Variants in FGFR1OP2 observed in about 807,000 individuals in gnomAD.
The protein encoded by FGFR1OP2 is fibroblast growth factor receptor 1 oncogene partner 2.
A neutral mutation model predicts 35.2 loss-of-function variants in FGFR1OP2; 17 were observed. The observed-to-expected ratio is 0.48, with a 90% confidence interval of 0.33 to 0.73. The LOEUF (loss-of-function observed/expected upper bound fraction) is 0.73. Among genes scored for constraint, FGFR1OP2 ranks in the 30% least tolerant of loss-of-function variants. The probability of loss-of-function intolerance (pLI) is 0.02; values close to 1 mark genes in which losing one functional copy is unlikely to be tolerated. For synonymous variants in FGFR1OP2, 105 were observed against 104.6 expected (o/e 1.00, Z -0.03); for missense variants, 251 against 307.3 (o/e 0.82, Z 1.37).
chr12:26,956,483 T>C (rs1400458251), intron 2 of FGFR1OP2, 60 bp from the exon 3 acceptor site: 9 of 248,784 alleles, frequency 3.6e-5, no homozygotes, highest in African/African-American at 9.5e-5. Context: ...ATATATCATA[T>C]ATATATATAT....
intron 3 of FGFR1OP2, among the ~76,000 whole-genome samples, chr12:26,957,000 CT>C (rs2136357684): frequency 6.6e-6 from 1 of 152,292 alleles, no homozygotes; most frequent in African/African-American, 2.4e-5. Flanking sequence ...TCATGTAATT[CT>C]TTTGCCTAAG....
chr12:26,951,555 A>G (rs1938929216), intron 1 of FGFR1OP2, among the ~76,000 whole-genome samples: 1 of 152,070 alleles, frequency 6.6e-6, no homozygotes, highest in Non-Finnish European at 1.5e-5. Flanking sequence ...CCTGAATTCA[A>G]GTGATCTGCC....
intron 1 of FGFR1OP2, among the ~76,000 whole-genome samples, chr12:26,950,274 G>A (rs185675157): frequency 7.9e-6 from 1 of 126,512 alleles, no homozygotes; most frequent in African/African-American, 3.1e-5. Context: ...CAGGCTGGAG[G>A]TGCAGTGGCA....
chr12:26,949,408 A>G (rs1413870506), intron 1 of FGFR1OP2, among the ~76,000 whole-genome samples: 2 of 152,080 alleles, frequency 1.3e-5, no homozygotes, highest in Non-Finnish European at 2.9e-5. Flanking sequence ...CTGGGATTAC[A>G]GGTGTGCACC....
intron 1 of FGFR1OP2, among the ~76,000 whole-genome samples, chr12:26,940,486 G>A (rs1299619801): frequency 6.6e-6 from 1 of 151,970 alleles, no homozygotes; most frequent in Non-Finnish European, 1.5e-5. Flanking sequence ...ATTTATATGC[G>A]TTCTTTCTTG....
intron 1 of FGFR1OP2, among the ~76,000 whole-genome samples, chr12:26,951,213 C>T (rs1938923420): frequency 6.6e-6 from 1 of 151,632 alleles, no homozygotes; most frequent in Non-Finnish European, 1.5e-5. Context: ...TGCAGTGGTG[C>T]TATGGCTCAC....
intron 1 of FGFR1OP2, among the ~76,000 whole-genome samples, chr12:26,947,755 C>T (rs1042995704): frequency 6.6e-6 from 1 of 152,116 alleles, no homozygotes; most frequent in African/African-American, 2.4e-5. Context: ...GTTGGGTCCT[C>T]TTTTAAAATT....
At chr12:26,947,677 C>T (rs1009870472) in intron 1 of FGFR1OP2, among the ~76,000 whole-genome samples, 20 of 152,158 alleles carry the variant, frequency 1.3e-4, no homozygotes, top group East Asian at 5.8e-4. Context: ...CCACTATGCC[C>T]GGCCTGTCCT....
chr12:26,964,753 G>T lies in FGFR1OP2; in HGVS notation c.*20G>T. On this transcript the variant is annotated 3_prime_UTR_variant, in exon 7 of 7. Coordinates refer to ENST00000229395, the MANE Select transcript of FGFR1OP2 (RefSeq NM_015633.3). ...AGCTGAAGAGTTTCTGAGTCTGTGA[G>T]CTTCTTACATGGCTCCAAATGGTCA... is the stretch of plus-strand genomic sequence containing the variant. 1 of 1,604,904 alleles carries T rather than the reference G, an allele frequency of 6.2e-7. No individual in the cohort carries two copies.
chr12:26,959,491 A>G (rs933098474), intron 4 of FGFR1OP2, among the ~76,000 whole-genome samples: 4 of 152,164 alleles, frequency 2.6e-5, no homozygotes, highest in Non-Finnish European at 5.9e-5. Context: ...ATACCATTAC[A>G]AAAAAAGTGC....
Position 26,966,362 on chromosome 12 carries a change from T to G in FGFR1OP2, c.*1629T>G, listed in dbSNP as rs562290196. 2 of 152,192 alleles carry G rather than the reference T, an allele frequency of 1.3e-5. No homozygotes were observed. Among genetic ancestry groups the G allele is most frequent in the South Asian group, 2.1e-4 (1 of 4,828 alleles). The allele number at this position is 152,192 out of a possible 1,614,324, so 9.4% of individuals were successfully genotyped here. ...GGAAATCTATTTCAAGCTACACCAT[T>G]GAGATTAAGTCTGAGGCAGTTCATT... On this transcript the variant is annotated 3_prime_UTR_variant, in exon 7 of 7. Coordinates refer to ENST00000229395, the MANE Select transcript of FGFR1OP2 (RefSeq NM_015633.3).
Position 26,949,225 on chromosome 12 carries a change from T to C in FGFR1OP2, c.-14-4920T>C, listed in dbSNP as rs141996664. On this transcript the variant is annotated intron_variant, in intron 1 of 6. Transcript: ENST00000229395. ...ATCTCAGCTCACTGCAACCTCCACC[T>C]CCCAGGTACAAGCGATTCTCCTGTC... Among the ~76,000 whole-genome samples the C allele has an allele frequency of 3.6e-3, 542 of 152,094 alleles. 1 individual carries two copies. The highest frequency in any genetic ancestry group is 0.013 in the African/African-American group (520 of 41,486).
At chr12:26,957,792 A>G (rs1242600211) in intron 4 of FGFR1OP2, 49 bp downstream of exon 4, 1 of 1,500,586 alleles carries the variant, frequency 6.7e-7, no homozygotes, top group South Asian at 1.4e-5. Context: ...GAGACGATTG[A>G]TTATTCTGTG....
Position 26,956,611 on chromosome 12 carries a change from A to C in FGFR1OP2, c.204A>C (p.Gly68=). Reference sequence around the variant, plus strand: ...GGCCACGGTCCACGTTAGTTATGGGAATCCAGCAAGAAAACAGACAAATCA... The same window carrying C: ...GGCCACGGTCCACGTTAGTTATGGGCATCCAGCAAGAAAACAGACAAATCA... The part of the protein sequence containing the change: ...RHRPRSTLVM[G]IQQENRQIRE... Residue 68 remains glycine, a synonymous_variant, in exon 3 of 7, where the codon GGA becomes GGC. Coordinates refer to ENST00000229395, the MANE Select transcript of FGFR1OP2 (RefSeq NM_015633.3). The C allele has an allele frequency of 1.9e-6, 3 of 1,607,132 alleles. No homozygotes were observed. In the South Asian group the frequency reaches 3.3e-5, roughly 18 times the overall value.
In FGFR1OP2 at chr12:26,956,583, A is replaced by G; in HGVS notation, c.176A>G (p.His59Arg). 1.3e-6 allele frequency: 2 copies of G among 1,598,712 alleles called. No individual in the cohort carries two copies. The highest frequency in any genetic ancestry group is 1.7e-6 in the Non-Finnish European group (2 of 1,172,642). The change falls in exon 3 of 7, where the codon CAT becomes CGT. Residue 59 changes from histidine to arginine, a missense_variant. By Grantham distance (29) the His-to-Arg change is conservative. Coordinates refer to ENST00000229395, the MANE Select transcript of FGFR1OP2 (RefSeq NM_015633.3). Reference sequence around the variant, plus strand: ...CAAGAACTTAATGAAGTCGCGAGACATCGGCCACGGTCCACGTTAGTTATG... The same window carrying G: ...CAAGAACTTAATGAAGTCGCGAGACGTCGGCCACGGTCCACGTTAGTTATG... ...EIQELNEVAR[H>R]RPRSTLVMGI...
At chr12:26,942,068 T>G (rs1344683991) in intron 1 of FGFR1OP2, among the ~76,000 whole-genome samples, 1 of 152,260 alleles carries the variant, frequency 6.6e-6, no homozygotes, top group Non-Finnish European at 1.5e-5. Flanking sequence ...AATCTTGCTC[T>G]GTCGCCCAGG....
chr12:26,963,440 A>T lies in FGFR1OP2; in HGVS notation c.609A>T (p.Arg203=). 6.2e-7 allele frequency: 1 copy of T among 1,601,898 alleles called. No homozygotes were observed. The highest frequency in any genetic ancestry group is 1.1e-5 in the South Asian group (1 of 89,374). ...DEQQGCKEQE[R]IFQLEQENKG... The stretch of plus-strand genomic sequence containing the variant: ...AACAGGGTTGCAAGGAACAAGAACG[A>T]ATATTTCAACTTGAAGTAAGTTTTA... Residue 203 remains arginine (R), a synonymous_variant, in exon 6 of 7, where the codon CGA becomes CGT. Coordinates refer to ENST00000229395, the MANE Select transcript of FGFR1OP2 (RefSeq NM_015633.3).
At position 26,957,615 on chromosome 12, in the gene FGFR1OP2, C is replaced by T; in HGVS notation, c.268C>T (p.Leu90=). 6.2e-7 allele frequency: 1 copy of T among 1,612,372 alleles called. No individual in the cohort carries two copies. ...ATTCTTGATAGAATTACGTACATCT[C>T]TGGAAGAACATCAGTCGGCCTTGGA... The part of the protein sequence containing the change: ...QQENKELRTS[L]EEHQSALELI... Residue 90 remains leucine (L), a synonymous_variant, in exon 4 of 7, where the codon CTG becomes TTG. Transcript: ENST00000229395.
In FGFR1OP2 at chr12:26,956,566, T is replaced by G. The variant is rs752961842; in HGVS notation, c.159T>G (p.Leu53=). The part of the protein sequence containing the change: ...MKQYQEEIQE[L]NEVARHRPRS... ...AGTATCAGGAAGAAATTCAAGAACT[T>G]AATGAAGTCGCGAGACATCGGCCAC... The change falls in exon 3 of 7, where the codon CTT becomes CTG. Residue 53 remains leucine, a synonymous_variant. Coordinates refer to ENST00000229395, the MANE Select transcript of FGFR1OP2 (RefSeq NM_015633.3). 1.8e-5 allele frequency: 29 copies of G among 1,577,808 alleles called. No homozygotes were observed. The highest frequency in any genetic ancestry group is 3.6e-5 in the Admixed American group (2 of 56,014).
Sources: gnomAD v4.1 joint callset for allele counts (sites outside exome capture counted in the v4.1 genomes callset) on GRCh38, gnomAD v4.1.1 for gene constraint, MANE v1.5 for transcripts, NCBI Gene and HGNC (gene_info 2026-07-23, HGNC 2026-07-21) for gene names.